Variants in PLPPR1 observed in about 807,000 individuals in gnomAD.
PLPPR1 encodes the protein phospholipid phosphatase related 1, also known as phospholipid phosphatase-related protein type 1.
In PLPPR1, 10 loss-of-function variants were observed where a neutral mutation model predicts 33.1. That is an observed-to-expected ratio of 0.30 (90% CI 0.19 to 0.51). The LOEUF (loss-of-function observed/expected upper bound fraction) is 0.51. Among genes scored for constraint, PLPPR1 ranks in the 20% least tolerant of loss-of-function variants. PLPPR1 has a pLI of 0.97. For missense variants in PLPPR1, 304 were observed against 408.1 expected (o/e 0.74, Z 2.20); for synonymous variants, 151 against 151.0 (o/e 1.00, Z 0.00).
chr9:101,301,933 G>A (rs1293681045), intron 4 of PLPPR1, among the ~76,000 whole-genome samples: 2 of 152,224 alleles, frequency 1.3e-5, no homozygotes, highest in Non-Finnish European at 2.9e-5. Flanking sequence ...TCTCAGTGCT[G>A]TGTGCATGTG....
chr9:101,257,175 C>A (rs1263773221), intron 2 of PLPPR1, among the ~76,000 whole-genome samples: 2 of 152,118 alleles, frequency 1.3e-5, no homozygotes, highest in East Asian at 3.9e-4. Context: ...GAGTTTAACC[C>A]AAGATTTCAC....
intron 1 of PLPPR1, among the ~76,000 whole-genome samples, chr9:101,117,520 A>G (rs994878057): frequency 1.3e-5 from 2 of 152,222 alleles, no homozygotes; most frequent in Admixed American, 6.5e-5. Flanking sequence ...TGGAAAACTC[A>G]TGAATAACTC....
At chr9:101,307,798 A>G (rs1292615804) in intron 4 of PLPPR1, among the ~76,000 whole-genome samples, 1 of 152,228 alleles carries the variant, frequency 6.6e-6, no homozygotes, top group African/African-American at 2.4e-5. Context: ...AGTTGAAACT[A>G]TAGCAGACTC....
At chr9:101,318,878 G>A (rs995972284) in intron 7 of PLPPR1, among the ~76,000 whole-genome samples, 1 of 152,142 alleles carries the variant, frequency 6.6e-6, no homozygotes, top group Non-Finnish European at 1.5e-5. Flanking sequence ...GGATGAGTAG[G>A]AGTTCTTTAA....
intron 2 of PLPPR1, among the ~76,000 whole-genome samples, chr9:101,200,122 T>C (rs1348652536): frequency 1.3e-5 from 2 of 152,090 alleles, no homozygotes; most frequent in African/African-American, 4.8e-5. Context: ...TAGACTATAA[T>C]TGACGGGGCA....
intron 1 of PLPPR1, among the ~76,000 whole-genome samples, chr9:101,032,458 AG>A (rs1233264155): frequency 6.6e-6 from 1 of 152,116 alleles, no homozygotes. Flanking sequence ...TAATATAAGA[AG>A]GGCCTTCCTT....
intron 2 of PLPPR1, among the ~76,000 whole-genome samples, chr9:101,249,674 T>C (rs1055969795): frequency 6.6e-6 from 1 of 152,104 alleles, no homozygotes. Flanking sequence ...ATGAAGATGG[T>C]CTAATGTGTG....
At chr9:101,221,249 C>T (rs1176694955) in intron 2 of PLPPR1, among the ~76,000 whole-genome samples, 1 of 151,960 alleles carries the variant, frequency 6.6e-6, no homozygotes, top group Non-Finnish European at 1.5e-5. Flanking sequence ...CCCTCTCCCA[C>T]TCTTCCCCCC....
chr9:101,194,860 G>A (rs554691855), intron 2 of PLPPR1, among the ~76,000 whole-genome samples: 11 of 152,218 alleles, frequency 7.2e-5, no homozygotes, highest in African/African-American at 2.6e-4. Flanking sequence ...GCAGATGTTA[G>A]GAAATTGGAC....
intron 1 of PLPPR1, among the ~76,000 whole-genome samples, chr9:101,126,337 G>A (rs1157952372): frequency 6.6e-6 from 1 of 152,148 alleles, no homozygotes; most frequent in Non-Finnish European, 1.5e-5. Flanking sequence ...TTCAAATTTA[G>A]ACCAGACCTT....
At chr9:101,085,871 T>TCTACTGTC (rs1356561455) in intron 1 of PLPPR1, among the ~76,000 whole-genome samples, 1 of 151,986 alleles carries the variant, frequency 6.6e-6, no homozygotes, top group Non-Finnish European at 1.5e-5. Flanking sequence ...CGGGGGGGGC[T>TCTACTGTC]CTACTGTCTT....
At chr9:101,080,284 G>A (rs1343832211) in intron 1 of PLPPR1, among the ~76,000 whole-genome samples, 1 of 152,158 alleles carries the variant, frequency 6.6e-6, no homozygotes, top group Non-Finnish European at 1.5e-5. Flanking sequence ...GCTCATGCCT[G>A]TAATTCCAGC....
chr9:101,063,284 T>C (rs1830368067), intron 1 of PLPPR1, among the ~76,000 whole-genome samples: 2 of 152,038 alleles, frequency 1.3e-5, no homozygotes, highest in Non-Finnish European at 2.9e-5. Context: ...GGCTGCCCCA[T>C]GCAGTCATTC....
At chr9:101,177,920 C>G (rs1203138704) in intron 1 of PLPPR1, among the ~76,000 whole-genome samples, 1 of 152,122 alleles carries the variant, frequency 6.6e-6, no homozygotes, top group Non-Finnish European at 1.5e-5. Context: ...GTAAGGTAAT[C>G]AGTATCTGAA....
chr9:101,251,876 A>G (rs576166909), intron 2 of PLPPR1, among the ~76,000 whole-genome samples: 1 of 152,212 alleles, frequency 6.6e-6, no homozygotes. Context: ...TGTGATTCTA[A>G]TTTTACATAT....
chr9:101,318,026 C>A (rs184415167), intron 7 of PLPPR1, among the ~76,000 whole-genome samples: 4 of 152,260 alleles, frequency 2.6e-5, no homozygotes, highest in Non-Finnish European at 5.9e-5. Context: ...ATAGTCCTTG[C>A]CCTCAAATAA....
intron 1 of PLPPR1, among the ~76,000 whole-genome samples, chr9:101,160,470 GAGC>G (rs1227178603): frequency 2.0e-5 from 3 of 152,064 alleles, no homozygotes; most frequent in Admixed American, 2.0e-4. Context: ...ATCAAAATGA[GAGC>G]TTTCACATGG....
chr9:101,225,716 T>C, intron 2 of PLPPR1, among the ~76,000 whole-genome samples: 1 of 149,798 alleles, frequency 6.7e-6, no homozygotes, highest in Admixed American at 6.7e-5. Context: ...CAGTTAGCAT[T>C]ATCCCCCCGC....
At chr9:101,231,752 AT>A (rs1827191915) in intron 2 of PLPPR1, among the ~76,000 whole-genome samples, 1 of 152,064 alleles carries the variant, frequency 6.6e-6, no homozygotes, top group Non-Finnish European at 1.5e-5. Flanking sequence ...ACTTTATTTT[AT>A]TTTAGTGAAC....
Sources: gnomAD v4.1 joint callset for allele counts (sites outside exome capture counted in the v4.1 genomes callset) on GRCh38, gnomAD v4.1.1 for gene constraint, MANE v1.5 for transcripts, NCBI Gene and HGNC (gene_info 2026-07-23, HGNC 2026-07-21) for gene names.